Variants in SLC1A1 observed in about 807,000 individuals in gnomAD.
The protein encoded by SLC1A1 is excitatory amino acid transporter 3.
A neutral mutation model predicts 53.3 loss-of-function variants in SLC1A1; 43 were observed. The observed-to-expected ratio is 0.81, with a 90% confidence interval of 0.63 to 1.04. The LOEUF is 1.04. SLC1A1 is among the 50% of genes least tolerant of loss of function. The probability of loss-of-function intolerance (pLI) is 0.00; values close to 1 mark genes in which losing one functional copy is unlikely to be tolerated. For synonymous variants in SLC1A1, 307 were observed against 243.2 expected, an observed-to-expected ratio of 1.26 and a Z score of -2.44; for missense variants, 748 against 664.9, an observed-to-expected ratio of 1.12 and a Z score of -1.37.
rs756269027 is a variant in SLC1A1 at position 4,549,934 on chromosome 9, A to G, written c.232+5227A>G. Among the ~76,000 whole-genome samples, 3 of 152,138 alleles carry G rather than the reference A, an allele frequency of 2.0e-5. No individual in the cohort carries two copies. Among genetic ancestry groups the G allele is most frequent in the Non-Finnish European group, 4.4e-5 (3 of 68,026 alleles). On this transcript the variant is annotated intron_variant, in intron 2 of 11. Coordinates refer to ENST00000262352, the MANE Select transcript of SLC1A1 (RefSeq NM_004170.6). This position sits in a 1 kb window ranked among gnomAD's most constrained non-coding sequence, Gnocchi z 4.1. ...TTCCTAACCCTTCCTGTGATGTCGC[A>G]GCTCTGGATTTCCTAAAAACGCCTG...
At chr9:4,560,592 T>G (rs1376685400) in intron 2 of SLC1A1, among the ~76,000 whole-genome samples, 3 of 152,206 alleles carry the variant, frequency 2.0e-5, no homozygotes, top group Admixed American at 2.0e-4. Flanking sequence ...TATATATTAC[T>G]TTTATAATTG....
At chr9:4,564,913 A>G (rs536080001) in intron 4 of SLC1A1, among the ~76,000 whole-genome samples, 5 of 152,368 alleles carry the variant, frequency 3.3e-5, no homozygotes, top group African/African-American at 9.6e-5. Context: ...CTTAAAACTT[A>G]GTGCATTTAT....
intron 1 of SLC1A1, among the ~76,000 whole-genome samples, chr9:4,525,254 A>G (rs1816217896): frequency 6.6e-6 from 1 of 152,206 alleles, no homozygotes; most frequent in Admixed American, 6.5e-5. Flanking sequence ...TGGCTAAAAT[A>G]AGAGGTTAAG....
chr9:4,541,921 CTA>C (rs1415576143), intron 1 of SLC1A1, among the ~76,000 whole-genome samples: 1 of 152,130 alleles, frequency 6.6e-6, no homozygotes, highest in African/African-American at 2.4e-5. Flanking sequence ...AGGTTATGCC[CTA>C]TGAGACTCTG....
At chr9:4,552,416 C>A (rs1818010303) in intron 2 of SLC1A1, among the ~76,000 whole-genome samples, 1 of 152,124 alleles carries the variant, frequency 6.6e-6, no homozygotes, top group Non-Finnish European at 1.5e-5. Context: ...AAAATAGCAT[C>A]TTTGTCCTCC....
chr9:4,573,343 A>T (rs1179179020), intron 7 of SLC1A1, among the ~76,000 whole-genome samples: 1 of 152,252 alleles, frequency 6.6e-6, no homozygotes, highest in Admixed American at 6.5e-5. Context: ...CAGCTTCATC[A>T]TCTGTTAAAA....
intron 2 of SLC1A1, among the ~76,000 whole-genome samples, chr9:4,544,972 T>G (rs1478564902): frequency 6.6e-6 from 1 of 152,104 alleles, no homozygotes; most frequent in Admixed American, 6.5e-5. Context: ...GAGAACTCAC[T>G]CACTATCACG....
At chr9:4,552,956 G>C (rs1030247829) in intron 2 of SLC1A1, among the ~76,000 whole-genome samples, 1 of 151,962 alleles carries the variant, frequency 6.6e-6, no homozygotes, top group African/African-American at 2.4e-5. Flanking sequence ...TTCTGGAAAT[G>C]AGAACAATAT....
chr9:4,580,567 T>TCATGCCACTGAACTCCAGCCTGGGCAACA (rs1820965042), intron 10 of SLC1A1, among the ~76,000 whole-genome samples: 1 of 139,814 alleles, frequency 7.2e-6, no homozygotes, highest in African/African-American at 2.8e-5. Flanking sequence ...GGCAACAGAG[T>TCATGCCACTGAACTCCAGCCTGGGCAACA]GAGACCTTGT....
chr9:4,585,311 G>A lies in SLC1A1; in HGVS notation c.1329-1G>A, dbSNP rs1277991644. The A allele has an allele frequency of 2.5e-6, 4 of 1,613,460 alleles. No individual in the cohort carries two copies. The highest frequency in any genetic ancestry group is 3.4e-6 in the Non-Finnish European group (4 of 1,179,890). On this transcript the variant is annotated splice_acceptor_variant, in intron 11 of 11. Transcript: ENST00000262352. LOFTEE classifies it high-confidence loss of function. The stretch of plus-strand genomic sequence containing the variant: ...GTCTGACTCCTCCCGTCTCTCCCCA[G>A]GGACCGGTTCAGGACCATGGTCAAC...
chr9:4,513,138 G>A (rs1821051126), intron 1 of SLC1A1, among the ~76,000 whole-genome samples: 1 of 152,006 alleles, frequency 6.6e-6, no homozygotes, highest in Non-Finnish European at 1.5e-5. Context: ...AAATCTACAT[G>A]AGCTGGAGTT....
intron 1 of SLC1A1, among the ~76,000 whole-genome samples, chr9:4,505,985 G>A (rs1358745349): frequency 1.3e-5 from 2 of 152,076 alleles, no homozygotes; most frequent in African/African-American, 4.8e-5. Flanking sequence ...CACCACGCCT[G>A]GCTAATTTTT....
intron 2 of SLC1A1, among the ~76,000 whole-genome samples, chr9:4,558,094 C>T (rs1818592789): frequency 6.6e-6 from 1 of 152,142 alleles, no homozygotes; most frequent in Non-Finnish European, 1.5e-5. Flanking sequence ...TGACATTACT[C>T]GCAGATGGGG....
chr9:4,512,772 T>A (rs1032239829), intron 1 of SLC1A1, among the ~76,000 whole-genome samples: 4 of 152,114 alleles, frequency 2.6e-5, no homozygotes, highest in African/African-American at 9.7e-5. Context: ...TTTTTTATTT[T>A]TTTTTAAATT....
At chr9:4,539,103 T>TA (rs1361921316) in intron 1 of SLC1A1, among the ~76,000 whole-genome samples, 1 of 152,176 alleles carries the variant, frequency 6.6e-6, no homozygotes, top group Non-Finnish European at 1.5e-5. Context: ...GGCTTTCATT[T>TA]AAAAAAACAA....
At chr9:4,505,256 C>A (rs998207449) in intron 1 of SLC1A1, among the ~76,000 whole-genome samples, 6 of 151,942 alleles carry the variant, frequency 3.9e-5, no homozygotes, top group African/African-American at 1.4e-4. Context: ...ACCATGTTGG[C>A]CAGGCTGGTC....
At chr9:4,570,239 T>A (rs1383478332) in intron 6 of SLC1A1, among the ~76,000 whole-genome samples, 3 of 152,230 alleles carry the variant, frequency 2.0e-5, no homozygotes, top group African/African-American at 7.2e-5. Flanking sequence ...CTCATGCTTC[T>A]CACAGTCAGT....
Position 4,576,143 on chromosome 9 carries a change from C to A in SLC1A1, c.998+20C>A. On this transcript the variant is annotated intron_variant, in intron 9 of 11. Transcript: ENST00000262352. Reference sequence around the variant, plus strand: ...TTCCAGGTAAACAGAAGAGGGGTTTCTGGAAGAAGCCTCCAGGCTCAACGT... The same window carrying A: ...TTCCAGGTAAACAGAAGAGGGGTTTATGGAAGAAGCCTCCAGGCTCAACGT... 1 of 1,612,048 alleles carries A rather than the reference C, an allele frequency of 6.2e-7. No individual in the cohort carries two copies. The highest frequency in any genetic ancestry group is 1.1e-5 in the South Asian group (1 of 91,038).
At chr9:4,558,694 T>C (rs1818655255) in intron 2 of SLC1A1, among the ~76,000 whole-genome samples, 1 of 152,218 alleles carries the variant, frequency 6.6e-6, no homozygotes, top group South Asian at 2.1e-4. Context: ...ATAGATTTAA[T>C]TTGTTTCACT....
Sources: gnomAD v4.1 joint callset for allele counts (sites outside exome capture counted in the v4.1 genomes callset) on GRCh38, gnomAD v4.1.1 for gene constraint, Gnocchi (gnomAD v3.1) non-coding constraint, MANE v1.5 for transcripts, NCBI Gene and HGNC (gene_info 2026-07-23, HGNC 2026-07-21) for gene names.